Variants in ATP11C observed in about 807,000 individuals in gnomAD.
ATP11C encodes phospholipid-transporting ATPase IG.
A neutral mutation model predicts 97.4 loss-of-function variants in ATP11C; 36 were observed. The ratio of observed to expected loss-of-function variants is 0.37; its 90% CI spans 0.28 to 0.49. The LOEUF (loss-of-function observed/expected upper bound fraction) is 0.49, where lower values mean the gene tolerates loss of function less well. Among genes scored for constraint, ATP11C ranks in the 20% least tolerant of loss-of-function variants. ATP11C has a pLI of 0.98. For synonymous variants in ATP11C, 275 were observed against 290.9 expected, an observed-to-expected ratio of 0.95 and a Z score of 0.56; for missense variants, 730 against 824.6, an observed-to-expected ratio of 0.89 and a Z score of 1.40.
At position 139,787,226 on chromosome X, in the gene ATP11C, T is replaced by C. The variant is rs757403980; in HGVS notation, c.1539A>G (p.Leu513=). Residue 513 remains leucine (L), a synonymous_variant, in exon 15 of 30, where the codon TTA becomes TTG. Coordinates refer to ENST00000682941, the MANE Select transcript of ATP11C (RefSeq NM_001353812.2). ...KGAKRYGFTF[L]GNRNGYMRVE... is the part of the protein sequence containing the mutation. The stretch of plus-strand genomic sequence containing the variant: ...CTCTCATATATCCATTTCGATTTCC[T>C]AAAAATGTGAACCCGTACCTATCAA... The C allele has an allele frequency of 9.1e-5, 108 of 1,186,394 alleles. No individual in the cohort carries two copies. Among genetic ancestry groups the C allele is most frequent in the Non-Finnish European group, 1.2e-4 (106 of 874,718 alleles).
At chrX:139,856,303 C>T (rs1273859189) in intron 1 of ATP11C, among the ~76,000 whole-genome samples, 1 of 112,869 alleles carries the variant, frequency 8.9e-6, no homozygotes, top group Non-Finnish European at 1.9e-5. Context: ...CCCCCAAGGG[C>T]CATCCAGCTT....
At chrX:139,905,891 A>T (rs1335190030) in intron 1 of ATP11C, among the ~76,000 whole-genome samples, 1 of 111,776 alleles carries the variant, frequency 8.9e-6, no homozygotes, top group Non-Finnish European at 1.9e-5. Flanking sequence ...ATGTCACCAC[A>T]TCCTTAAACC....
intron 1 of ATP11C, among the ~76,000 whole-genome samples, chrX:139,831,770 C>A (rs1330331534): frequency 9.0e-6 from 1 of 111,684 alleles, no homozygotes; most frequent in East Asian, 2.8e-4. Context: ...AAGTAACCTG[C>A]GACTCTCAGT....
At chrX:139,839,217 A>C (rs1043261285) in intron 1 of ATP11C, among the ~76,000 whole-genome samples, 14 of 111,984 alleles carry the variant, frequency 1.3e-4, no homozygotes, top group Non-Finnish European at 2.6e-4. Context: ...ACCAGGTGCT[A>C]GGGGGAGGGG....
chrX:139,852,013 C>T (rs1363733007), intron 1 of ATP11C, among the ~76,000 whole-genome samples: 1 of 110,472 alleles, frequency 9.1e-6, no homozygotes, highest in Non-Finnish European at 1.9e-5. Context: ...GGAGTTGATT[C>T]TGGAATGAGT....
Position 139,811,957 on chromosome X carries a change from C to G in ATP11C, c.426+2921G>C, listed in dbSNP as rs186911162. The stretch of plus-strand genomic sequence containing the variant: ...TATTGTTATCAATACTACTATCATC[C>G]TAATATAAGCCCTTATCATTTTTTG... On this transcript the variant is annotated intron_variant, in intron 5 of 29. Coordinates refer to ENST00000682941, the MANE Select transcript of ATP11C (RefSeq NM_001353812.2). 2.7e-5 allele frequency among the ~76,000 whole-genome samples: 3 copies of G among 111,860 alleles called. No individual in the cohort carries two copies. The East Asian group carries it at 8.3e-4, about 31-fold the overall frequency.
At chrX:139,904,499 G>A (rs1234080810) in intron 1 of ATP11C, among the ~76,000 whole-genome samples, 1 of 111,606 alleles carries the variant, frequency 9.0e-6, no homozygotes, top group African/African-American at 3.3e-5. Flanking sequence ...CTGCACTCCA[G>A]ACTGGGCGAC....
chrX:139,880,877 T>A (rs1414482598), intron 1 of ATP11C, among the ~76,000 whole-genome samples: 2 of 112,037 alleles, frequency 1.8e-5, no homozygotes, highest in East Asian at 5.6e-4. Context: ...GTAATTTTGC[T>A]TAATCTACAA....
chrX:139,748,920 T>A (rs773807077), intron 24 of ATP11C, among the ~76,000 whole-genome samples: 9 of 112,155 alleles, frequency 8.0e-5, no homozygotes, highest in Admixed American at 3.8e-4. Flanking sequence ...TGGAGAAATG[T>A]GACCATTGAC....
In ATP11C at chrX:139,780,124, G is replaced by A. The variant is rs183352607; in HGVS notation, c.1952+2423C>T. ...CAGAATTCTATCAGATGTATATAAA[G>A]AAGAGTTGGTACCAATCTTATTAAA... On this transcript the variant is annotated intron_variant, in intron 18 of 29. Coordinates refer to ENST00000682941, the MANE Select transcript of ATP11C (RefSeq NM_001353812.2). 5.8e-3 allele frequency among the ~76,000 whole-genome samples: 642 copies of A among 111,558 alleles called. 10 individuals are homozygous for A. Among genetic ancestry groups the A allele is most frequent in the African/African-American group, 0.019 (589 of 30,729 alleles).
chrX:139,920,396 CA>C (rs1248712467), intron 1 of ATP11C, among the ~76,000 whole-genome samples: 2 of 107,002 alleles, frequency 1.9e-5, no homozygotes, highest in African/African-American at 6.8e-5. Context: ...ATACATGCTA[CA>C]ACATGAACAA....
In ATP11C at chrX:139,796,482, G is replaced by A. The variant is rs1442513572; in HGVS notation, c.1009-12C>T. ...AACATTTTTAAAACCTAAAATAAAA[G>A]AGATAGTTCATGCTAATTAGACATA... On this transcript the variant is annotated splice_polypyrimidine_tract_variant and intron_variant, in intron 11 of 29. Coordinates refer to ENST00000682941, the MANE Select transcript of ATP11C (RefSeq NM_001353812.2). The A allele has an allele frequency of 9.3e-6, 10 of 1,076,523 alleles. No individual in the cohort carries two copies. Among genetic ancestry groups the A allele is most frequent in the South Asian group, 2.0e-5 (1 of 50,535 alleles). 88.7% of individuals were successfully genotyped at this position (1,076,523 alleles called of 1,213,427 possible).
chrX:139,819,928 G>A (rs1353631712), intron 2 of ATP11C, among the ~76,000 whole-genome samples: 1 of 112,125 alleles, frequency 8.9e-6, no homozygotes, highest in Non-Finnish European at 1.9e-5. Flanking sequence ...GTTCACACCT[G>A]TAATCCCAGC....
chrX:139,815,171 C>T (rs1272229216), intron 4 of ATP11C, among the ~76,000 whole-genome samples, 186 bp from the exon 5 acceptor site: 1 of 111,986 alleles, frequency 8.9e-6, no homozygotes, highest in Non-Finnish European at 1.9e-5. Flanking sequence ...TCAAAATACT[C>T]CTTAGATAAA....
chrX:139,762,085 C>T lies in ATP11C; in HGVS notation c.2516G>A (p.Arg839His), dbSNP rs768204585. The T allele has an allele frequency of 1.7e-5, 21 of 1,203,673 alleles. No homozygotes were observed. The highest frequency in any genetic ancestry group is 2.2e-5 in the Non-Finnish European group (20 of 891,807). Residue 839 changes from arginine to histidine, a missense_variant, in exon 22 of 30, where the codon CGC becomes CAC. Physicochemically the swap from Arg to His is conservative, Grantham distance 29. Transcript: ENST00000682941. Reference sequence around the variant, plus strand: ...ATAATCGCTATTCCTAGCTGCTTGGCGACCTTCTTTGCCTTTAATACCTAA... The same window carrying T: ...ATAATCGCTATTCCTAGCTGCTTGGTGACCTTCTTTGCCTTTAATACCTAA... ...VGIGIKGKEG[R>H]QAARNSDYSV...
intron 1 of ATP11C, among the ~76,000 whole-genome samples, chrX:139,848,045 G>A (rs889625288): frequency 9.0e-6 from 1 of 110,974 alleles, no homozygotes; most frequent in Non-Finnish European, 1.9e-5. Context: ...GGTCACTGGT[G>A]GCCTCTCCAT....
At chrX:139,878,585 C>T (rs1044143025) in intron 1 of ATP11C, among the ~76,000 whole-genome samples, 1 of 111,498 alleles carries the variant, frequency 9.0e-6, no homozygotes. Context: ...CTGTTAGGTA[C>T]CAAAGACTGA....
intron 18 of ATP11C, among the ~76,000 whole-genome samples, chrX:139,775,631 G>A (rs753204686): frequency 8.9e-6 from 1 of 112,692 alleles, no homozygotes; most frequent in Non-Finnish European, 1.9e-5. Flanking sequence ...TAAAGGGTAG[G>A]TGGAAATGCT....
At chrX:139,775,094 T>A in intron 18 of ATP11C, 141 bp from the exon 19 acceptor site, 1 of 558,780 alleles carries the variant, frequency 1.8e-6, no homozygotes, top group Non-Finnish European at 2.6e-6. Flanking sequence ...TTCATATACA[T>A]CCCCTACTCA....
Sources: gnomAD v4.1 joint callset for allele counts (sites outside exome capture counted in the v4.1 genomes callset) on GRCh38, gnomAD v4.1.1 for gene constraint, MANE v1.5 for transcripts, NCBI Gene and HGNC (gene_info 2026-07-23, HGNC 2026-07-21) for gene names.